Variants in MTNAP1 observed in about 807,000 individuals in gnomAD.
The protein encoded by MTNAP1 is mitochondrial nucleoid-associated protein 1.
chr17:73,243,124 G>C, the MTNAP1 span: 1 of 756,974 alleles, frequency 1.3e-6, no homozygotes, highest in East Asian at 2.7e-5. Context: ...TATCTGGCAT[G>C]CCCTGGTGAA....
chr17:73,240,106 A>G, the MTNAP1 span, among the ~76,000 whole-genome samples: 1 of 152,242 alleles, frequency 6.6e-6, no homozygotes, highest in African/African-American at 2.4e-5. Flanking sequence ...CAATAATAAG[A>G]TACAGTAACT....
chr17:73,236,032 A>G, the MTNAP1 span: 1 of 1,614,188 alleles, frequency 6.2e-7, no homozygotes, highest in Admixed American at 1.7e-5. Context: ...TTCTTTGTCA[A>G]ATCAAGATAG....
At chr17:73,236,521 C>A in the MTNAP1 span, 5 of 1,614,074 alleles carry the variant, frequency 3.1e-6, no homozygotes, top group Non-Finnish European at 4.2e-6. Context: ...AAAGGAGTCT[C>A]AAGGGGAAAG....
chr17:73,248,699 C>T, the MTNAP1 span: 2 of 732,790 alleles, frequency 2.7e-6, no homozygotes, highest in Non-Finnish European at 4.6e-6. Flanking sequence ...TATTCACGGA[C>T]ATGCCTGAAT....
the MTNAP1 span, chr17:73,236,624 C>T: frequency 6.2e-7 from 1 of 1,614,132 alleles, no homozygotes; most frequent in Non-Finnish European, 8.5e-7. Flanking sequence ...TCTCTAGCTA[C>T]AACATTTCTT....
the MTNAP1 span, among the ~76,000 whole-genome samples, chr17:73,240,122 CA>C: frequency 6.6e-6 from 1 of 152,182 alleles, no homozygotes; most frequent in African/African-American, 2.4e-5. Context: ...TAACTTAAAA[CA>C]TTAAATTACC....
At chr17:73,236,035 C>A in the MTNAP1 span, 1 of 1,614,102 alleles carries the variant, frequency 6.2e-7, no homozygotes, top group South Asian at 1.1e-5. Flanking sequence ...TTTGTCAAAT[C>A]AAGATAGAAA....
chr17:73,242,220 A>G, the MTNAP1 span: 14 of 1,489,496 alleles, frequency 9.4e-6, no homozygotes, highest in Admixed American at 1.2e-4. Context: ...AAACAATGAC[A>G]GTGACTTCTG....
chr17:73,233,621 T>TA, the MTNAP1 span, among the ~76,000 whole-genome samples: 1 of 152,216 alleles, frequency 6.6e-6, no homozygotes, highest in Admixed American at 6.5e-5. Flanking sequence ...CCCAGCACTT[T>TA]GGGAGGCCGA....
At chr17:73,241,272 C>T in the MTNAP1 span, among the ~76,000 whole-genome samples, 5,932 of 152,206 alleles carry the variant, frequency 0.039, 309 homozygotes, top group African/African-American at 0.12. Flanking sequence ...ATTCTCCTGC[C>T]TCAGTCTCCC....
the MTNAP1 span, chr17:73,247,127 ATTTGGTTAGG>A: frequency 1.1e-6 from 1 of 877,026 alleles, no homozygotes; most frequent in Non-Finnish European, 1.8e-6. Context: ...AGCCCTGCTC[ATTTGGTTAGG>A]TGGCATCCAT....
chr17:73,232,485 G>A, the MTNAP1 span: 3 of 566,068 alleles, frequency 5.3e-6, no homozygotes, highest in Admixed American at 3.5e-5. Flanking sequence ...CACAGCCAAC[G>A]GAGGGTACGG....
chr17:73,238,207 C>T, the MTNAP1 span, among the ~76,000 whole-genome samples: 1 of 151,828 alleles, frequency 6.6e-6, no homozygotes, highest in Admixed American at 6.6e-5. Flanking sequence ...GTTATGAGAC[C>T]ACCTCTCTAG....
At chr17:73,233,764 G>T in the MTNAP1 span, among the ~76,000 whole-genome samples, 2 of 152,080 alleles carry the variant, frequency 1.3e-5, no homozygotes, top group African/African-American at 4.8e-5. Context: ...TCCCAGCCAC[G>T]CGGGAGGCTG....
At chr17:73,233,390 G>A in the MTNAP1 span, 2 of 152,404 alleles carry the variant, frequency 1.3e-5, no homozygotes, top group East Asian at 3.9e-4. Context: ...TTCAAGTAGG[G>A]TTGAGTGTGA....
At chr17:73,247,371 T>G in the MTNAP1 span, 2 of 1,609,594 alleles carry the variant, frequency 1.2e-6, no homozygotes, top group South Asian at 1.1e-5. Context: ...GAAGCCTTCG[T>G]GACTTCTCTC....
chr17:73,248,887 T>C, the MTNAP1 span: 1 of 228,788 alleles, frequency 4.4e-6, no homozygotes, highest in African/African-American at 2.3e-5. Flanking sequence ...AGCAGACTCT[T>C]TTATACTTTA....
At chr17:73,242,302 T>C in the MTNAP1 span, 23 of 1,606,506 alleles carry the variant, frequency 1.4e-5, no homozygotes, top group Admixed American at 3.8e-4. Context: ...CTGCCGGACT[T>C]ACAACCTCCA....
chr17:73,236,468 G>T, the MTNAP1 span: 1 of 1,614,198 alleles, frequency 6.2e-7, no homozygotes, highest in South Asian at 1.1e-5. Flanking sequence ...ACTGTCATGA[G>T]CCATGGCTGT....
Sources: gnomAD v4.1 joint callset for allele counts (sites outside exome capture counted in the v4.1 genomes callset) on GRCh38, gnomAD v4.1.1 for gene constraint, MANE v1.5 for transcripts, NCBI Gene and HGNC (gene_info 2026-07-23, HGNC 2026-07-21) for gene names.